Variants in NCSTN observed in about 807,000 individuals in gnomAD.
The protein encoded by NCSTN is anterior pharynx-defective 2.
A neutral mutation model predicts 87.0 loss-of-function variants in NCSTN; 22 were observed. That is an observed-to-expected ratio of 0.25 (90% CI 0.18 to 0.36). The LOEUF (loss-of-function observed/expected upper bound fraction) is 0.36. Among genes scored for constraint, NCSTN ranks in the 10% least tolerant of loss-of-function variants. The pLI is 1.00. For missense variants in NCSTN, 693 were observed against 883.3 expected (o/e 0.78, Z 2.73); for synonymous variants, 306 against 327.1 (o/e 0.94, Z 0.69).
At chr1:160,343,532 C>G (rs1024128917) in intron 1 of NCSTN, 51 bp downstream of exon 1, 1 of 1,516,234 alleles carries the variant, frequency 6.6e-7, no homozygotes, top group Admixed American at 2.0e-5. Flanking sequence ...ACTCTCGGAT[C>G]GGCCCCGCCG....
chr1:160,350,004 G>C (rs1469082530), intron 4 of NCSTN, 101 bp from the exon 5 acceptor site: 17 of 1,420,322 alleles, frequency 1.2e-5, no homozygotes, highest in Non-Finnish European at 1.7e-5. Context: ...ACCTCCTTTT[G>C]AACTCTTAGT....
At chr1:160,357,787 C>G (rs1649203028) in intron 16 of NCSTN, among the ~76,000 whole-genome samples, 1 of 152,218 alleles carries the variant, frequency 6.6e-6, no homozygotes, top group Admixed American at 6.5e-5. Flanking sequence ...TTCACAGCTT[C>G]AACTCCCGGC....
At position 160,351,730 on chromosome 1, in the gene NCSTN, G is replaced by A; in HGVS notation, c.768G>A (p.Val256=). The change falls in exon 7 of 17, where the codon GTG becomes GTA. Residue 256 remains valine, a synonymous_variant. Transcript: ENST00000294785. Reference sequence around the variant, plus strand: ...GTGACCCCCTGTCTGATTACAATGTGTGGAGCATGCTAAAGCCTATAAATA... The same window carrying A: ...GTGACCCCCTGTCTGATTACAATGTATGGAGCATGCTAAAGCCTATAAATA... ...IVCDPLSDYN[V]WSMLKPINTT... 2 of 1,612,718 alleles carry A rather than the reference G, an allele frequency of 1.2e-6. No homozygotes were observed. The highest frequency in any genetic ancestry group is 1.1e-5 in the South Asian group (1 of 91,060).
rs953242435 is a variant in NCSTN at position 160,348,928 on chromosome 1, G to A, written c.191-71G>A. 2.4e-5 allele frequency: 39 copies of A among 1,601,268 alleles called. No individual in the cohort carries two copies. The Admixed American group carries it at 2.8e-4, about 12-fold the overall frequency. ...GACATCTTTAGGGGATAAAAGATAC[G>A]CAGAATCAGTGAGGCAAAGTCAGAA... is the stretch of plus-strand genomic sequence containing the variant. On this transcript the variant is annotated intron_variant, in intron 2 of 16. Transcript: ENST00000294785.
At chr1:160,356,457 C>A in intron 14 of NCSTN, 110 bp downstream of exon 14, 1 of 1,416,526 alleles carries the variant, frequency 7.1e-7, no homozygotes, top group Non-Finnish European at 9.9e-7. Context: ...GTTTTTCTTA[C>A]CCCCTGTTTT....
chr1:160,358,445 CCCTT>C lies in NCSTN; in HGVS notation c.*178_*181del. 1 of 829,084 alleles carries C rather than the reference CCCTT, an allele frequency of 1.2e-6. No individual in the cohort carries two copies. The highest frequency in any genetic ancestry group is 1.5e-5 in the South Asian group (1 of 66,870). The allele number at this position is 829,084 out of a possible 1,614,324, so 51.4% of individuals were successfully genotyped here. ...ACAGGGAGAAATAAATAAATTGCCT[CCCTT>C]CCTCCGCTCCCCTTTCCCATCACCC... On this transcript the variant is annotated 3_prime_UTR_variant, in exon 17 of 17. Coordinates refer to ENST00000294785, the MANE Select transcript of NCSTN (RefSeq NM_015331.3).
chr1:160,347,772 G>A (rs1648584024), intron 2 of NCSTN, among the ~76,000 whole-genome samples: 1 of 152,146 alleles, frequency 6.6e-6, no homozygotes, highest in African/African-American at 2.4e-5. Flanking sequence ...ATCACACTTG[G>A]CTAATTTTTG....
rs1301935111 is a variant in NCSTN, at chr1:160,355,972, C to T, written c.1551+14C>T. ...GATCCCCAAACGGTAAGCAGATGGGCCCTAGCTCCTTCTTTCTATTTACAC... is the reference window on the plus strand; with the variant it reads ...GATCCCCAAACGGTAAGCAGATGGGTCCTAGCTCCTTCTTTCTATTTACAC... On this transcript the variant is annotated intron_variant, in intron 13 of 16. Transcript: ENST00000294785. The T allele has an allele frequency of 2.5e-6, 4 of 1,598,046 alleles. No homozygotes were observed. The South Asian group carries it at 3.3e-5, about 13-fold the overall frequency.
At chr1:160,349,694 G>C (rs754295529) in intron 4 of NCSTN, 24 bp downstream of exon 4, 1 of 1,612,852 alleles carries the variant, frequency 6.2e-7, no homozygotes, top group Non-Finnish European at 8.5e-7. Flanking sequence ...AGGATCAGGA[G>C]AGCCTACTGT....
intron 2 of NCSTN, chr1:160,345,081 T>C: frequency 3.5e-6 from 2 of 566,536 alleles, no homozygotes; most frequent in South Asian, 2.0e-5. Flanking sequence ...CTTACTGTTA[T>C]TGTCACTTTA....
At chr1:160,353,508 G>T in intron 10 of NCSTN, 1 of 1,344,626 alleles carries the variant, frequency 7.4e-7, no homozygotes, top group Non-Finnish European at 9.6e-7. Flanking sequence ...ATAGGTGAGT[G>T]ACTAGCTCCC....
At chr1:160,356,945 G>A (rs1307106338) in intron 15 of NCSTN, 96 bp from the exon 16 acceptor site, 4 of 1,398,090 alleles carry the variant, frequency 2.9e-6, no homozygotes, top group Non-Finnish European at 4.1e-6. Context: ...CAGCCAGTTA[G>A]CTCAATTGGT....
chr1:160,344,432 T>A (rs1648326771), intron 1 of NCSTN: 4 of 1,467,858 alleles, frequency 2.7e-6, no homozygotes, highest in Non-Finnish European at 3.6e-6. Context: ...CTGGCAAATC[T>A]AAGGTCAAAC....
Position 160,349,598 on chromosome 1 carries a change from G to A in NCSTN, c.364G>A (p.Ala122Thr), listed in dbSNP as rs756614906. Residue 122 changes from alanine (A) to threonine (T), a missense_variant, in exon 4 of 17, where the codon GCA (alanine) becomes ACA (threonine). Coordinates refer to ENST00000294785, the MANE Select transcript of NCSTN (RefSeq NM_015331.3). ...GAGAACCAGCCGAATTGCTGGTCTT[G>A]CAGTGTCCTTGACCAAGCCCAGTCC... Reference protein sequence around the residue: ...KGRTSRIAGLAVSLTKPSPAS... With the variant: ...KGRTSRIAGLTVSLTKPSPAS... The A allele has an allele frequency of 9.3e-6, 15 of 1,614,012 alleles. No individual in the cohort carries two copies. In the Admixed American group the frequency reaches 2.0e-4, roughly 22 times the overall value.
In NCSTN at chr1:160,351,778, C is replaced by A; in HGVS notation, c.816C>A (p.Asp272Glu). The change falls in exon 7 of 17, where the codon GAC becomes GAA. Residue 272 changes from aspartate (D) to glutamate (E), a missense_variant. By Grantham distance (45) the Asp-to-Glu change is conservative (BLOSUM62 2). This residue lies in a region of NCSTN where 134 missense variants were observed against 226.0 expected (regional missense o/e 0.59). Coordinates refer to ENST00000294785, the MANE Select transcript of NCSTN (RefSeq NM_015331.3). Reference sequence around the variant, plus strand: ...ATACAACTGGGACATTAAAGCCTGACGACAGGGTTGTGGTTGCTGCCACCC... The same window carrying A: ...ATACAACTGGGACATTAAAGCCTGAAGACAGGGTTGTGGTTGCTGCCACCC... ...PINTTGTLKP[D>E]DRVVVAATRL... The A allele has an allele frequency of 6.2e-7, 1 of 1,612,756 alleles. No individual in the cohort carries two copies. Among genetic ancestry groups the A allele is most frequent in the African/African-American group, 1.3e-5 (1 of 74,994 alleles).
At chr1:160,347,415 C>T (rs1648558322) in intron 2 of NCSTN, among the ~76,000 whole-genome samples, 1 of 152,228 alleles carries the variant, frequency 6.6e-6, no homozygotes. Flanking sequence ...CTCCCTCCTT[C>T]TATCCTTTCT....
rs142465672 is a variant in NCSTN at position 160,348,937 on chromosome 1, G to T, written c.191-62G>T. On this transcript the variant is annotated intron_variant, in intron 2 of 16. Transcript: ENST00000294785. ...AGGGGATAAAAGATACGCAGAATCA[G>T]TGAGGCAAAGTCAGAATTGTTAACT... 4.7e-5 allele frequency: 75 copies of T among 1,610,748 alleles called. No homozygotes were observed. The African/African-American group carries it at 9.2e-4, about 20-fold the overall frequency.
At chr1:160,349,840 T>C (rs1037403332) in intron 4 of NCSTN, among the ~76,000 whole-genome samples, 170 bp downstream of exon 4, 2 of 152,232 alleles carry the variant, frequency 1.3e-5, no homozygotes, top group African/African-American at 4.8e-5. Flanking sequence ...ATCCCTTCCC[T>C]CTCCTGCTTC....
rs767145960 is a variant in NCSTN, at chr1:160,343,440, G to C, written c.44G>C (p.Arg15Pro). Residue 15 changes from arginine to proline, a missense_variant, in exon 1 of 17, where the codon CGG (arginine) becomes CCG (proline). By Grantham distance (103) the Arg-to-Pro change is moderately radical. This residue lies in a region of NCSTN where 235 missense variants were observed against 233.9 expected (regional missense o/e 1.00). Transcript: ENST00000294785. ...GGCTCTGGGGCTGACCCGGGAAGTC[G>C]GGGTCTCCTTCGCCTTCTGTCTTTC... ...GGGSGADPGSRGLLRLLSFCV... is the reference protein window; with the variant it reads ...GGGSGADPGSPGLLRLLSFCV... 3 of 1,612,398 alleles carry C rather than the reference G, an allele frequency of 1.9e-6. No individual in the cohort carries two copies. Among genetic ancestry groups the C allele is most frequent in the Non-Finnish European group, 2.5e-6 (3 of 1,179,584 alleles).
Sources: gnomAD v4.1 joint callset for allele counts (sites outside exome capture counted in the v4.1 genomes callset) on GRCh38, gnomAD v4.1.1 for gene constraint, gnomAD v4.1.1 regional missense constraint, MANE v1.5 for transcripts, NCBI Gene and HGNC (gene_info 2026-07-23, HGNC 2026-07-21) for gene names.